The following COL11A2 variants were observed in gnomAD, a reference collection of about 807,000 sequenced individuals.
The protein encoded by COL11A2 is collagen alpha-2(XI) chain.
Under a neutral mutation model 273.4 loss-of-function variants are expected in COL11A2, and 116 were observed. The ratio of observed to expected loss-of-function variants is 0.42; its 90% CI spans 0.36 to 0.49. The LOEUF (loss-of-function observed/expected upper bound fraction) is 0.49. COL11A2 is among the 20% of genes least tolerant of loss of function. COL11A2 has a pLI of 0.00. For missense variants in COL11A2, 1,866 were observed against 2,309.0 expected, an observed-to-expected ratio of 0.81 and a Z score of 3.93; for synonymous variants, 782 against 864.2, an observed-to-expected ratio of 0.90 and a Z score of 1.67.
chr6:33,166,819 T>G lies in COL11A2; in HGVS notation c.4239A>C (p.Pro1413=), dbSNP rs1282225634. ...DAGAKGEKGH[P]GLIGLIGPPG... ...GGGGCCCAATCAGTCCAATGAGACCTGGGTGGCCCTAGAGAAGGGTGCAGG... is the reference window on the plus strand; with the variant it reads ...GGGGCCCAATCAGTCCAATGAGACCGGGGTGGCCCTAGAGAAGGGTGCAGG... The change falls in exon 59 of 66, where the codon CCA becomes CCC. Residue 1413 remains proline, a synonymous_variant. Coordinates refer to ENST00000341947, the MANE Select transcript of COL11A2 (RefSeq NM_080680.3). This position sits in a 1 kb window ranked among gnomAD's most constrained non-coding sequence, Gnocchi z 4.8. 2.5e-6 allele frequency: 4 copies of G among 1,613,420 alleles called. No homozygotes were observed. Among genetic ancestry groups the G allele is most frequent in the Non-Finnish European group, 3.4e-6 (4 of 1,179,964 alleles).
Position 33,190,811 on chromosome 6 carries a change from A to G in COL11A2, c.83-1342T>C, listed in dbSNP as rs1157143716. 6.6e-6 allele frequency among the ~76,000 whole-genome samples: 1 copy of G among 152,078 alleles called. No homozygotes were observed. Among genetic ancestry groups the G allele is most frequent in the African/African-American group, 2.4e-5 (1 of 41,406 alleles). ...AGAGACTCACAGAGACCCCAGGCCA[A>G]GGAGACCTCGGAGGTCCCCACCCTC... On this transcript the variant is annotated intron_variant, in intron 1 of 65. Transcript: ENST00000341947. The surrounding 1 kb of genome is among the most constrained non-coding windows in gnomAD (Gnocchi z 4.5).
chr6:33,171,730 C>A lies in COL11A2; in HGVS notation c.3133G>T (p.Gly1045Ter). The part of the protein sequence containing the change: ...PGPQGPPGAA[G>*]EKGVPGEKGP... ...ACACTCACTGGGACACCTTTCTCTC[C>A]TGCTGCTCCAGGGGGACCCTGCGGG... Residue 1045 changes from glycine to a stop codon, truncating the protein, a stop_gained, in exon 42 of 66, where the codon GGA (glycine) becomes TGA (stop). Transcript: ENST00000341947. LOFTEE classifies it high-confidence loss of function. 1 of 1,612,988 alleles carries A rather than the reference C, an allele frequency of 6.2e-7. No homozygotes were observed. Among genetic ancestry groups the A allele is most frequent in the South Asian group, 1.1e-5 (1 of 91,080 alleles).
chr6:33,181,270 C>T (rs1041536607), intron 8 of COL11A2, 100 bp from the exon 9 acceptor site: 6 of 1,242,824 alleles, frequency 4.8e-6, no homozygotes, highest in Admixed American at 3.4e-5. Flanking sequence ...TAGATCCTCT[C>T]GAGACCACTT....
rs370515541 is a variant in COL11A2, at chr6:33,176,240, C to T, written c.2214+19G>A. ...ATGGCAGGACTGAGGTGCTGGGAAG[C>T]TGGGGGCATGGTGCTCACCTTCTCA... On this transcript the variant is annotated intron_variant, in intron 28 of 65. Transcript: ENST00000341947. This position sits in a 1 kb window ranked among gnomAD's most constrained non-coding sequence, Gnocchi z 4.9. 2.3e-4 allele frequency: 372 copies of T among 1,608,650 alleles called. 1 individual carries two copies. The highest frequency in any genetic ancestry group is 3.0e-4 in the Non-Finnish European group (359 of 1,177,744).
Position 33,165,546 on chromosome 6 carries a change from G to A in COL11A2, c.4750+3C>T. The A allele has an allele frequency of 6.2e-7, 1 of 1,612,410 alleles. No homozygotes were observed. Among genetic ancestry groups the A allele is most frequent in the Non-Finnish European group, 8.5e-7 (1 of 1,180,020 alleles). On this transcript the variant is annotated splice_donor_region_variant and intron_variant, in intron 63 of 65. Coordinates refer to ENST00000341947, the MANE Select transcript of COL11A2 (RefSeq NM_080680.3). The surrounding 1 kb of genome is among the most constrained non-coding windows in gnomAD (Gnocchi z 7.7). ...GTTTGTGCACCCTGAGGCTAGCACT[G>A]ACCATCGGGAAGCTCTGGGTGGCAC...
chr6:33,184,603 T>C (rs1479383316), intron 7 of COL11A2, among the ~76,000 whole-genome samples: 1 of 151,886 alleles, frequency 6.6e-6, no homozygotes, highest in Non-Finnish European at 1.5e-5. Context: ...GAGTGGACAG[T>C]CCATGGACAC....
At position 33,177,265 on chromosome 6, in the gene COL11A2, G is replaced by T. The variant is rs746739125; in HGVS notation, c.1972-40C>A. 4 of 1,612,226 alleles carry T rather than the reference G, an allele frequency of 2.5e-6. No homozygotes were observed. In the East Asian group the frequency reaches 6.7e-5, roughly 27 times the overall value. On this transcript the variant is annotated intron_variant, in intron 23 of 65. Coordinates refer to ENST00000341947, the MANE Select transcript of COL11A2 (RefSeq NM_080680.3). This position sits in a 1 kb window ranked among gnomAD's most constrained non-coding sequence, Gnocchi z 5.9. ...AGAGAAGTCACAGGGGCCTCCCAGG[G>T]TCTCTTCTATCCAGCCTCCCGGATT...
chr6:33,170,618 A>G lies in COL11A2; in HGVS notation c.3475-8T>C. 6.2e-7 allele frequency: 1 copy of G among 1,612,464 alleles called. No individual in the cohort carries two copies. The highest frequency in any genetic ancestry group is 8.5e-7 in the Non-Finnish European group (1 of 1,179,750). On this transcript the variant is annotated splice_polypyrimidine_tract_variant and splice_region_variant and intron_variant, in intron 46 of 65. Transcript: ENST00000341947. This position sits in a 1 kb window ranked among gnomAD's most constrained non-coding sequence, Gnocchi z 4.3. ...AGAGGGGCCTGGCAAACCCTGTGCA[A>G]GTATACAAAACATGGGCCCAGGTGA...
In COL11A2 at chr6:33,166,662, AC is replaced by A. The variant is rs1387852482; in HGVS notation, c.4338+57del. Reference sequence around the variant, plus strand: ...ACAGCTGAGTCCCAACTCCAACTCCACCCCTCTCCACCCCACTCTCAACCCC... The same window carrying A: ...ACAGCTGAGTCCCAACTCCAACTCCACCCTCTCCACCCCACTCTCAACCCC... On this transcript the variant is annotated intron_variant, in intron 59 of 65. Coordinates refer to ENST00000341947, the MANE Select transcript of COL11A2 (RefSeq NM_080680.3). The surrounding 1 kb of genome is among the most constrained non-coding windows in gnomAD (Gnocchi z 4.8). 4.4e-6 allele frequency: 7 copies of A among 1,608,836 alleles called. No homozygotes were observed. Among genetic ancestry groups the A allele is most frequent in the Non-Finnish European group, 6.0e-6 (7 of 1,176,300 alleles).
rs772285526 is a variant in COL11A2, at chr6:33,170,941, G to A, written c.3367-24C>T. 3 of 1,599,818 alleles carry A rather than the reference G, an allele frequency of 1.9e-6. No homozygotes were observed. The Admixed American group carries it at 5.1e-5, about 27-fold the overall frequency. On this transcript the variant is annotated intron_variant, in intron 45 of 65. Transcript: ENST00000341947. This position sits in a 1 kb window ranked among gnomAD's most constrained non-coding sequence, Gnocchi z 4.3. ...CCCTGCAGGGTTGAGGGAAAGCAGA[G>A]ACAAGGACACAGGGATGGGTCATGG...
At position 33,173,620 on chromosome 6, in the gene COL11A2, C is replaced by T. The variant is rs369055789; in HGVS notation, c.2629-65G>A. 7.2e-5 allele frequency: 102 copies of T among 1,415,178 alleles called. No individual in the cohort carries two copies. The East Asian group carries it at 1.2e-3, about 17-fold the overall frequency. The allele number at this position is 1,415,178 out of a possible 1,614,324, so 87.7% of individuals were successfully genotyped here. A position where few individuals can be genotyped will look rare whatever the true frequency, so the allele number is the denominator to read the frequency against. ...GGGGCTGAGTGGGGGAACTCAGCTT[C>T]CTTCCTGGGGTGAGGAGGGAGCTGG... On this transcript the variant is annotated intron_variant, in intron 35 of 65. Transcript: ENST00000341947. This position sits in a 1 kb window ranked among gnomAD's most constrained non-coding sequence, Gnocchi z 6.3.
In COL11A2 at chr6:33,167,884, A is replaced by T; in HGVS notation, c.3961-32T>A. 6.2e-7 allele frequency: 1 copy of T among 1,612,160 alleles called. No homozygotes were observed. The highest frequency in any genetic ancestry group is 8.5e-7 in the Non-Finnish European group (1 of 1,179,630). ...GTGGAGTGGGAAGGAAGAGCACATG[A>T]GGCCGTGGGCAGCCAGGCTCAACTC... On this transcript the variant is annotated intron_variant, in intron 54 of 65. Coordinates refer to ENST00000341947, the MANE Select transcript of COL11A2 (RefSeq NM_080680.3). This position sits in a 1 kb window ranked among gnomAD's most constrained non-coding sequence, Gnocchi z 6.1.
Position 33,163,196 on chromosome 6 carries a change from C to T in COL11A2, c.*482G>A, listed in dbSNP as rs1326829275. ...GAGGTGGGGTTCAGCCCTGAAACCC[C>T]CCTACACACAGTCACTGAGGAAAGT... is the stretch of plus-strand genomic sequence containing the variant. On this transcript the variant is annotated 3_prime_UTR_variant, in exon 66 of 66. Transcript: ENST00000341947. The surrounding 1 kb of genome is among the most constrained non-coding windows in gnomAD (Gnocchi z 4.1). 3 of 194,518 alleles carry T rather than the reference C, an allele frequency of 1.5e-5. No homozygotes were observed. The Admixed American group carries it at 1.6e-4, about 10-fold the overall frequency. 12.0% of individuals were successfully genotyped at this position (194,518 alleles called of 1,614,324 possible). A position where few individuals can be genotyped will look rare whatever the true frequency, so the allele number is the denominator to read the frequency against.
In COL11A2 at chr6:33,165,085, T is replaced by C. The variant is rs1344601525; in HGVS notation, c.4751-121A>G. 1.4e-6 allele frequency: 1 copy of C among 738,372 alleles called. No homozygotes were observed. Among genetic ancestry groups the C allele is most frequent in the Non-Finnish European group, 2.3e-6 (1 of 427,118 alleles). 45.7% of individuals were successfully genotyped at this position (738,372 alleles called of 1,614,324 possible). ...CATCATGCTCTTAGTCTCCTGGTCC[T>C]CCTCCCTCCCAGAGCCCTAGAATCT... On this transcript the variant is annotated intron_variant, in intron 63 of 65. Transcript: ENST00000341947. The surrounding 1 kb of genome is among the most constrained non-coding windows in gnomAD (Gnocchi z 7.7).
chr6:33,173,866 C>A lies in COL11A2; in HGVS notation c.2583+7G>T, dbSNP rs770336112. On this transcript the variant is annotated splice_region_variant and intron_variant, in intron 34 of 65. Transcript: ENST00000341947. This position sits in a 1 kb window ranked among gnomAD's most constrained non-coding sequence, Gnocchi z 6.3. ...GGGGCAGTTGGAGCCTTGTAGAGACCATTCACCTTAGCTCCAGACTTCCCA... is the reference window on the plus strand; with the variant it reads ...GGGGCAGTTGGAGCCTTGTAGAGACAATTCACCTTAGCTCCAGACTTCCCA... 2 of 1,614,016 alleles carry A rather than the reference C, an allele frequency of 1.2e-6. No homozygotes were observed. The highest frequency in any genetic ancestry group is 1.1e-5 in the South Asian group (1 of 91,056).
chr6:33,171,205 G>GA (rs1770005943), intron 44 of COL11A2, 38 bp from the exon 45 acceptor site: 1 of 1,613,318 alleles, frequency 6.2e-7, no homozygotes, highest in South Asian at 1.1e-5. Context: ...CCAAAACAGG[G>GA]AGAGAGATCA....
At chr6:33,175,944 C>A in intron 29 of COL11A2, 72 bp downstream of exon 29, 1 of 1,557,750 alleles carries the variant, frequency 6.4e-7, no homozygotes, top group Non-Finnish European at 8.9e-7. Flanking sequence ...GAGAATAAAC[C>A]GGTGCTTGGC....
chr6:33,180,324 A>AG lies in COL11A2; in HGVS notation c.1292dup (p.Gly432TrpfsTer31). The AG allele has an allele frequency of 6.2e-7, 1 of 1,612,700 alleles. No homozygotes were observed. Among genetic ancestry groups the AG allele is most frequent in the Non-Finnish European group, 8.5e-7 (1 of 1,179,960 alleles). ...CTGATCCAGGGAGCCCTGCTCGGCCAGGGGGGCCCTGGAGTGGGAAGAGAA... is the reference window on the plus strand; with the variant it reads ...CTGATCCAGGGAGCCCTGCTCGGCCAGGGGGGGCCCTGGAGTGGGAAGAGAA... On this transcript the variant is annotated frameshift_variant, in exon 12 of 66. Transcript: ENST00000341947. LOFTEE classifies it high-confidence loss of function.
chr6:33,173,735 C>G lies in COL11A2; in HGVS notation c.2594G>C (p.Gly865Ala). 6.3e-7 allele frequency: 1 copy of G among 1,587,846 alleles called. No individual in the cohort carries two copies. The highest frequency in any genetic ancestry group is 8.6e-7 in the Non-Finnish European group (1 of 1,164,974). ...AGGGGGCCCATGGGGGCCATCACCA[C>G]CAGATGTTCCCTGTGGGGGGAAACA... ...TGKSGAKGTS[G>A]GDGPHGPPGE... The change falls in exon 35 of 66, where the codon GGT (glycine) becomes GCT (alanine). Residue 865 changes from glycine (G) to alanine (A), a missense_variant. Physicochemically the swap from Gly to Ala is moderately conservative, Grantham distance 60. Coordinates refer to ENST00000341947, the MANE Select transcript of COL11A2 (RefSeq NM_080680.3). The surrounding 1 kb of genome is among the most constrained non-coding windows in gnomAD (Gnocchi z 6.3).
Sources: gnomAD v4.1 joint callset for allele counts (sites outside exome capture counted in the v4.1 genomes callset) on GRCh38, gnomAD v4.1.1 for gene constraint, Gnocchi (gnomAD v3.1) non-coding constraint, MANE v1.5 for transcripts, NCBI Gene and HGNC (gene_info 2026-07-23, HGNC 2026-07-21) for gene names.